GRM7: variants seen among roughly 807,000 people sequenced by gnomAD.
The protein encoded by GRM7 is metabotropic glutamate receptor 7.
A neutral mutation model predicts 84.5 loss-of-function variants in GRM7; 35 were observed. The ratio of observed to expected loss-of-function variants is 0.41; its 90% CI spans 0.32 to 0.55. The LOEUF is 0.55. GRM7 is among the 20% of genes least tolerant of loss of function. GRM7 has a pLI of 0.19. For missense variants in GRM7, 1,003 were observed against 1,194.6 expected (o/e 0.84, Z 2.36); for synonymous variants, 487 against 455.1 (o/e 1.07, Z -0.89).
chr3:7,277,661 G>C (rs573034684), intron 2 of GRM7, among the ~76,000 whole-genome samples: 1 of 152,042 alleles, frequency 6.6e-6, no homozygotes, highest in Middle Eastern at 3.4e-3. Context: ...TCATTCTCAT[G>C]GAGCTACCTT....
At chr3:7,636,503 A>T (rs1698100620) in intron 8 of GRM7, 2 of 299,124 alleles carry the variant, frequency 6.7e-6, no homozygotes, top group Admixed American at 4.1e-5. Flanking sequence ...TCAGGTAATA[A>T]GGAGAGTTCT....
intron 1 of GRM7, among the ~76,000 whole-genome samples, chr3:7,100,858 C>A (rs1353371008): frequency 6.6e-6 from 1 of 151,802 alleles, no homozygotes; most frequent in Non-Finnish European, 1.5e-5. Context: ...CCTAGTCTTG[C>A]AATCTCTTGT....
At chr3:7,322,005 T>C (rs1030187276) in intron 4 of GRM7, among the ~76,000 whole-genome samples, 1 of 152,106 alleles carries the variant, frequency 6.6e-6, no homozygotes, top group African/African-American at 2.4e-5. Flanking sequence ...CCCAGAATAT[T>C]ATGAACATCG....
chr3:7,461,428 A>G (rs1232584491), intron 6 of GRM7, among the ~76,000 whole-genome samples, 155 bp from the exon 7 acceptor site: 4 of 152,200 alleles, frequency 2.6e-5, no homozygotes, highest in African/African-American at 9.7e-5. Context: ...TAACTTGCCT[A>G]TGAATTGCAG....
At chr3:7,082,878 C>A (rs1446923556) in intron 1 of GRM7, among the ~76,000 whole-genome samples, 1 of 152,098 alleles carries the variant, frequency 6.6e-6, no homozygotes, top group Admixed American at 6.6e-5. Context: ...GAAGATGTGG[C>A]TAATCTTCTT....
intron 8 of GRM7, among the ~76,000 whole-genome samples, chr3:7,604,121 G>C (rs1575545133): frequency 3.0e-5 from 4 of 134,162 alleles, no homozygotes; most frequent in African/African-American, 1.1e-4. Context: ...AGATAACTTA[G>C]AAGGGTTTGT....
chr3:6,942,363 A>C (rs1037890320), intron 1 of GRM7, among the ~76,000 whole-genome samples: 1 of 152,150 alleles, frequency 6.6e-6, no homozygotes, highest in Non-Finnish European at 1.5e-5. Context: ...ACTTATGTGT[A>C]AATCTGTAAA....
chr3:7,454,414 CA>C lies in GRM7; in HGVS notation c.1375+1609del, dbSNP rs149389200. 2.0e-5 allele frequency among the ~76,000 whole-genome samples: 3 copies of C among 152,096 alleles called. No individual in the cohort carries two copies. The East Asian group carries it at 5.8e-4, about 29-fold the overall frequency. ...AAATAAGTAAACTTGAATGTATGAG[CA>C]ATGCAACATTCAACACAGACAGTAA... On this transcript the variant is annotated intron_variant, in intron 6 of 9. Coordinates refer to ENST00000357716, the MANE Select transcript of GRM7 (RefSeq NM_000844.4).
intron 7 of GRM7, among the ~76,000 whole-genome samples, chr3:7,510,307 A>G (rs2124976307): frequency 6.6e-6 from 1 of 152,216 alleles, no homozygotes; most frequent in South Asian, 2.1e-4. Flanking sequence ...ATAGCCACAG[A>G]TGATTGTTTA....
chr3:7,076,110 A>G (rs1698068360), intron 1 of GRM7, among the ~76,000 whole-genome samples: 2 of 152,164 alleles, frequency 1.3e-5, no homozygotes, highest in Admixed American at 1.3e-4. Context: ...GGGCATGGGG[A>G]GAGTGCAAAT....
intron 1 of GRM7, among the ~76,000 whole-genome samples, chr3:7,019,923 C>T (rs1000807616): frequency 2.0e-5 from 3 of 152,180 alleles, no homozygotes; most frequent in Admixed American, 6.5e-5. Flanking sequence ...TAAAAAGACA[C>T]CGGAAAAGAT....
chr3:6,891,507 G>T (rs1024913141), intron 1 of GRM7, among the ~76,000 whole-genome samples: 14 of 152,114 alleles, frequency 9.2e-5, no homozygotes, highest in African/African-American at 3.4e-4. Flanking sequence ...AGTTTGGCTG[G>T]ATATGAAAAT....
At chr3:7,588,819 G>A (rs866075525) in intron 8 of GRM7, among the ~76,000 whole-genome samples, 2 of 152,130 alleles carry the variant, frequency 1.3e-5, no homozygotes, top group Non-Finnish European at 2.9e-5. Context: ...CATATTGCAC[G>A]CTCTTCGTCC....
At chr3:7,270,015 C>T (rs970556792) in intron 2 of GRM7, among the ~76,000 whole-genome samples, 5 of 152,194 alleles carry the variant, frequency 3.3e-5, no homozygotes, top group African/African-American at 9.7e-5. Context: ...ACATGGAAGG[C>T]TTGTTAATAC....
At chr3:7,337,006 A>G (rs1343018608) in intron 4 of GRM7, among the ~76,000 whole-genome samples, 2 of 152,090 alleles carry the variant, frequency 1.3e-5, no homozygotes, top group Non-Finnish European at 2.9e-5. Context: ...ATTCCCATCA[A>G]AATACCATCA....
At chr3:7,483,414 G>T (rs1184436830) in intron 7 of GRM7, among the ~76,000 whole-genome samples, 1 of 152,136 alleles carries the variant, frequency 6.6e-6, no homozygotes, top group Non-Finnish European at 1.5e-5. Flanking sequence ...CTTGTTGGAA[G>T]GAACAGAAAG....
At chr3:7,353,652 T>C (rs557999233) in intron 4 of GRM7, among the ~76,000 whole-genome samples, 1 of 152,130 alleles carries the variant, frequency 6.6e-6, no homozygotes, top group South Asian at 2.1e-4. Flanking sequence ...CACTGAGAAA[T>C]AGATTTGAAT....
intron 1 of GRM7, among the ~76,000 whole-genome samples, chr3:7,063,047 A>G (rs1007408606): frequency 1.3e-5 from 2 of 151,698 alleles, no homozygotes; most frequent in Admixed American, 1.3e-4. Context: ...AGCAGCATTT[A>G]TTTCCTGTCT....
chr3:7,696,123 C>T (rs555222705), intron 9 of GRM7, among the ~76,000 whole-genome samples: 17 of 152,088 alleles, frequency 1.1e-4, no homozygotes, highest in African/African-American at 4.1e-4. Flanking sequence ...CAGAAGAGTT[C>T]CTGTTGTTCT....
Sources: allele counts gnomAD v4.1 joint callset (sites outside exome capture counted in the v4.1 genomes callset), GRCh38; gene constraint gnomAD v4.1.1; transcripts MANE v1.5; gene names NCBI Gene and HGNC (gene_info 2026-07-23, HGNC 2026-07-21).